Variants in DOCK5 observed in about 807,000 individuals in gnomAD.
The protein encoded by DOCK5 is dedicator of cytokinesis 5, also known as dedicator of cytokinesis protein 5.
In DOCK5, 142 loss-of-function variants were observed where a neutral mutation model predicts 251.8. The observed-to-expected ratio is 0.56, with a 90% CI of 0.49 to 0.65. The LOEUF is 0.65. Ranked by LOEUF, DOCK5 falls within the 30% of genes least tolerant of loss-of-function variation. The pLI is 0.00. For missense variants in DOCK5, 2,111 were observed against 2,312.3 expected (o/e 0.91, Z 1.79); for synonymous variants, 842 against 835.5 (o/e 1.01, Z -0.13).
chr8:25,411,256 T>A lies in DOCK5; in HGVS notation c.5571T>A (p.Ala1857=), dbSNP rs912040994. The A allele has an allele frequency of 6.3e-7, 1 of 1,583,712 alleles. No homozygotes were observed. The highest frequency in any genetic ancestry group is 8.6e-7 in the Non-Finnish European group (1 of 1,167,476). ...AKAPPPPPPK[A]RKSGIPTSEP... ...CACCACCCCCTCCACCTCCAAAGGC[T>A]CGGAAGTCTGGCATCCCTACTTCCG... is the stretch of plus-strand genomic sequence containing the variant. The change falls in exon 52 of 52, where the codon GCT becomes GCA. Residue 1857 remains alanine (A), a synonymous_variant. Transcript: ENST00000276440.
At chr8:25,400,867 C>A in intron 46 of DOCK5, 62 bp from the exon 47 acceptor site, 2 of 1,594,534 alleles carry the variant, frequency 1.3e-6, no homozygotes, top group Non-Finnish European at 1.7e-6. Flanking sequence ...CCTTCCCCAA[C>A]CAAATCAAAA....
At chr8:25,296,277 A>G (rs1219183554) in intron 6 of DOCK5, among the ~76,000 whole-genome samples, 4 of 152,202 alleles carry the variant, frequency 2.6e-5, no homozygotes, top group South Asian at 2.1e-4. Context: ...TTCAGGGTCT[A>G]TGGACCATAT....
At chr8:25,189,466 C>A (rs1032556526) in intron 1 of DOCK5, among the ~76,000 whole-genome samples, 4 of 151,986 alleles carry the variant, frequency 2.6e-5, no homozygotes, top group Non-Finnish European at 1.5e-5. Context: ...GCTCAAGTGA[C>A]CCTCCAGCCT....
chr8:25,343,723 A>G (rs989915185), intron 25 of DOCK5, among the ~76,000 whole-genome samples: 5 of 152,228 alleles, frequency 3.3e-5, no homozygotes, highest in African/African-American at 1.2e-4. Flanking sequence ...ACGTTCAGTG[A>G]TATCACATTA....
At chr8:25,203,131 T>G (rs1244690636) in intron 1 of DOCK5, among the ~76,000 whole-genome samples, 5 of 152,340 alleles carry the variant, frequency 3.3e-5, no homozygotes, top group Middle Eastern at 3.4e-3. Flanking sequence ...TTTCTGGTCT[T>G]AACACCCAGA....
intron 1 of DOCK5, among the ~76,000 whole-genome samples, chr8:25,197,903 A>T (rs532744922): frequency 2.0e-5 from 3 of 151,894 alleles, no homozygotes; most frequent in African/African-American, 7.2e-5. Flanking sequence ...GGTGCCCACC[A>T]CCATGCCCGG....
At chr8:25,225,337 A>G (rs1360772836) in intron 1 of DOCK5, among the ~76,000 whole-genome samples, 1 of 152,244 alleles carries the variant, frequency 6.6e-6, no homozygotes, top group Non-Finnish European at 1.5e-5. Context: ...AAAACATGGA[A>G]GCAACAAAAT....
chr8:25,298,075 A>C (rs971809315), intron 7 of DOCK5, among the ~76,000 whole-genome samples: 1 of 151,976 alleles, frequency 6.6e-6, no homozygotes, highest in African/African-American at 2.4e-5. Context: ...AAAAAAAAAA[A>C]AAACTTACTC....
rs780489865 is a variant in DOCK5 at position 25,401,001 on chromosome 8, C to T, written c.4861C>T (p.Arg1621Trp). The T allele has an allele frequency of 2.0e-5, 32 of 1,613,894 alleles. No homozygotes were observed. The highest frequency in any genetic ancestry group is 2.0e-4 in the South Asian group (18 of 91,084). Residue 1621 changes from arginine (R) to tryptophan (W), a missense_variant, in exon 47 of 52, where the codon CGG becomes TGG. Physicochemically the swap from Arg to Trp is moderately radical, Grantham distance 101. Around this residue, in one of 3 missense-constraint regions of DOCK5, gnomAD observed 1,717 missense variants for 1,892.4 expected, o/e 0.91. Transcript: ENST00000276440. ...LTEQLKPLHE[R>W]LSSCFRELKE... The stretch of plus-strand genomic sequence containing the variant: ...AGAGCAGCTGAAGCCGCTGCATGAG[C>T]GGTTGTCTTCTTGCTTCCGGGAACT...
chr8:25,298,968 CG>C lies in DOCK5; in HGVS notation c.635del (p.Gly212AlafsTer15). ...EKSILQNLDLRGQSIFSTIHT... is the reference protein window; with the variant it reads ...EKSILQNLDLXGQSIFSTIHT... ...GTCAATCCTGCAGAACCTCGATTTG[CG>C]GGGCCAGTCCATCTTCAGTACCATC... On this transcript the variant is annotated frameshift_variant, in exon 8 of 52. Coordinates refer to ENST00000276440, the MANE Select transcript of DOCK5 (RefSeq NM_024940.8). LOFTEE classifies it high-confidence loss of function. 6.2e-7 allele frequency: 1 copy of C among 1,612,200 alleles called. No homozygotes were observed. The highest frequency in any genetic ancestry group is 1.1e-5 in the South Asian group (1 of 90,678).
chr8:25,267,135 A>G (rs1475100758), intron 2 of DOCK5, among the ~76,000 whole-genome samples: 2 of 152,210 alleles, frequency 1.3e-5, no homozygotes, highest in African/African-American at 2.4e-5. Flanking sequence ...CCAAGCAAGT[A>G]TATACAGATG....
At position 25,309,777 on chromosome 8, in the gene DOCK5, T is replaced by G. The variant is rs149237038; in HGVS notation, c.1193-630T>G. On this transcript the variant is annotated intron_variant, in intron 12 of 51. Coordinates refer to ENST00000276440, the MANE Select transcript of DOCK5 (RefSeq NM_024940.8). ...CAAAAGTTTCAGTGAGCCGAGGTGA[T>G]GCCACTGCATTCCAGTCTGGGCAAC... Among the ~76,000 whole-genome samples the G allele has an allele frequency of 8.1e-3, 1,236 of 152,090 alleles. 27 individuals are homozygous for G. The highest frequency in any genetic ancestry group is 0.029 in the African/African-American group (1,192 of 41,500).
intron 21 of DOCK5, among the ~76,000 whole-genome samples, 185 bp downstream of exon 21, chr8:25,334,381 G>T (rs1805752621): frequency 6.6e-6 from 1 of 152,130 alleles, no homozygotes; most frequent in Non-Finnish European, 1.5e-5. Flanking sequence ...CTGGAAAGGG[G>T]GCTAAGATCA....
intron 40 of DOCK5, 105 bp downstream of exon 40, chr8:25,382,883 C>T (rs1206963346): frequency 6.5e-6 from 6 of 924,040 alleles, no homozygotes; most frequent in East Asian, 2.7e-5. Flanking sequence ...CCCGTGTTCT[C>T]GCTGTGGGAG....
chr8:25,332,549 G>A (rs1805707072), intron 19 of DOCK5, 54 bp from the exon 20 acceptor site: 5 of 1,466,308 alleles, frequency 3.4e-6, no homozygotes, highest in Middle Eastern at 3.5e-4. Context: ...GATTTCTGTG[G>A]TGTGGGGCTG....
At chr8:25,246,172 A>T (rs1229669991) in intron 2 of DOCK5, among the ~76,000 whole-genome samples, 1 of 152,198 alleles carries the variant, frequency 6.6e-6, no homozygotes, top group Non-Finnish European at 1.5e-5. Context: ...CTCACTGGCA[A>T]GTCCCAGGGC....
chr8:25,241,085 A>G (rs571777541), intron 1 of DOCK5, among the ~76,000 whole-genome samples: 1 of 152,352 alleles, frequency 6.6e-6, no homozygotes, highest in South Asian at 2.1e-4. Context: ...AATTCAGGGA[A>G]GAGAGCTCCT....
intron 18 of DOCK5, among the ~76,000 whole-genome samples, chr8:25,330,150 G>C (rs893136926): frequency 1.3e-5 from 2 of 152,118 alleles, no homozygotes; most frequent in African/African-American, 2.4e-5. Context: ...TGATACCTTC[G>C]ACTAGCCTGT....
intron 30 of DOCK5, among the ~76,000 whole-genome samples, chr8:25,365,802 G>C (rs1800764865): frequency 6.6e-6 from 1 of 152,138 alleles, no homozygotes; most frequent in Admixed American, 6.5e-5. Context: ...GTGTGAATTG[G>C]CCTTCAGTGC....
Sources: gnomAD v4.1 joint callset for allele counts (sites outside exome capture counted in the v4.1 genomes callset) on GRCh38, gnomAD v4.1.1 for gene constraint, gnomAD v4.1.1 regional missense constraint, MANE v1.5 for transcripts, NCBI Gene and HGNC (gene_info 2026-07-23, HGNC 2026-07-21) for gene names.